AGR3: variants seen among roughly 807,000 people sequenced by gnomAD.
AGR3 encodes the protein anterior gradient protein 3.
AGR3 carries 37 observed loss-of-function variants against 24.5 expected under a neutral mutation model. That is an observed-to-expected ratio of 1.51 (90% confidence interval 1.16 to 1.99). The LOEUF (loss-of-function observed/expected upper bound fraction) is 1.99. Among genes scored for constraint, AGR3 ranks in the 30% most tolerant of loss-of-function variants. The pLI is 0.00. For missense variants in AGR3, 228 were observed against 191.1 expected, an observed-to-expected ratio of 1.19 and a Z score of -1.14; for synonymous variants, 75 against 61.6, an observed-to-expected ratio of 1.22 and a Z score of -1.02.
At chr7:16,856,785 A>G (rs1043866811), downstream of AGR3, among the ~76,000 whole-genome samples, 1 of 151,792 alleles carries the variant, frequency 6.6e-6, no homozygotes, top group African/African-American at 2.4e-5. Flanking sequence ...AAACAAATGG[A>G]AGTAAAATTA....
At chr7:16,868,465 C>T (rs1583840695) in intron 3 of AGR3, among the ~76,000 whole-genome samples, 1 of 152,080 alleles carries the variant, frequency 6.6e-6, no homozygotes, top group Non-Finnish European at 1.5e-5. Flanking sequence ...TGTATGTCTT[C>T]TTTTAAGAAA....
chr7:16,873,189 A>C (rs768648816), intron 3 of AGR3, among the ~76,000 whole-genome samples: 16 of 152,212 alleles, frequency 1.1e-4, no homozygotes, highest in Non-Finnish European at 2.4e-4. Flanking sequence ...TATAGAATCA[A>C]CCTAAATGTC....
chr7:16,870,289 A>T lies in AGR3; in HGVS notation c.173+3491T>A, dbSNP rs543234873. 2.3e-4 allele frequency among the ~76,000 whole-genome samples: 35 copies of T among 152,118 alleles called. No individual in the cohort carries two copies. The South Asian group carries it at 5.0e-3, about 22-fold the overall frequency. Reference sequence around the variant, plus strand: ...CATCTAATTCAACAGAATTTTTGTTATTCTGAATATTTAAATTTTTTTAGT... The same window carrying T: ...CATCTAATTCAACAGAATTTTTGTTTTTCTGAATATTTAAATTTTTTTAGT... On this transcript the variant is annotated intron_variant, in intron 3 of 7. Transcript: ENST00000310398.
At chr7:16,856,992 T>TA (rs960283383), downstream of AGR3, among the ~76,000 whole-genome samples, 3 of 148,440 alleles carry the variant, frequency 2.0e-5, no homozygotes, top group Non-Finnish European at 4.5e-5. Flanking sequence ...TTTTTTTTTT[T>TA]AAACACGTTG....
chr7:16,874,599 A>T (rs545136825), intron 2 of AGR3, among the ~76,000 whole-genome samples: 74 of 152,156 alleles, frequency 4.9e-4, no homozygotes, highest in Non-Finnish European at 9.1e-4. Context: ...AGAGAGATTG[A>T]ATTAATGTGA....
At chr7:16,865,961 C>A (rs73307293) in intron 3 of AGR3, 13,119 of 684,232 alleles carry the variant, frequency 0.019, 175 homozygotes, top group Middle Eastern at 0.048. Context: ...AGCTTTTTAC[C>A]AGGTTTCAAC....
intron 1 of AGR3, among the ~76,000 whole-genome samples, chr7:16,881,434 G>T (rs989512603): frequency 1.3e-5 from 2 of 152,160 alleles, no homozygotes; most frequent in Admixed American, 6.5e-5. Context: ...GGGTCCTTTA[G>T]TATCAGTTGC....
chr7:16,879,531 T>C (rs891611198), intron 1 of AGR3, among the ~76,000 whole-genome samples: 5 of 152,238 alleles, frequency 3.3e-5, no homozygotes, highest in Non-Finnish European at 5.9e-5. Context: ...GGTTGACTCA[T>C]GCAGTTTTGA....
chr7:16,876,799 A>T (rs1377927863), intron 2 of AGR3, among the ~76,000 whole-genome samples: 1 of 152,224 alleles, frequency 6.6e-6, no homozygotes, highest in African/African-American at 2.4e-5. Flanking sequence ...ATATTTTTTC[A>T]AAACATTCAA....
chr7:16,866,279 T>G, intron 3 of AGR3: 1 of 554,758 alleles, frequency 1.8e-6, no homozygotes, highest in South Asian at 1.4e-5. Flanking sequence ...TTGTGGAAGA[T>G]ATCTTTGGTC....
intron 3 of AGR3, 145 bp downstream of exon 3, chr7:16,873,635 G>C: frequency 1.6e-6 from 1 of 632,476 alleles, no homozygotes; most frequent in Non-Finnish European, 2.7e-6. Context: ...ATATGTTTCA[G>C]GTGATGCATA....
intron 7 of AGR3, 82 bp downstream of exon 7, chr7:16,860,418 C>A: frequency 9.6e-7 from 1 of 1,036,446 alleles, no homozygotes; most frequent in South Asian, 1.3e-5. Context: ...TGTAGAAGCA[C>A]TGATGTAGGG....
intron 2 of AGR3, among the ~76,000 whole-genome samples, chr7:16,874,104 T>C (rs112499775): frequency 2.6e-5 from 4 of 152,340 alleles, no homozygotes; most frequent in African/African-American, 9.6e-5. Context: ...TACATGTTGT[T>C]ATGATTAGAG....
intron 1 of AGR3, among the ~76,000 whole-genome samples, chr7:16,879,770 T>C (rs1782066429): frequency 6.6e-6 from 1 of 152,230 alleles, no homozygotes; most frequent in Non-Finnish European, 1.5e-5. Context: ...TGAAAAGATA[T>C]ATAAGACACA....
chr7:16,881,953 C>T lies in AGR3; in HGVS notation c.-37G>A, dbSNP rs986059563. The T allele has an allele frequency of 1.9e-5, 9 of 470,906 alleles. No individual in the cohort carries two copies. Among genetic ancestry groups the T allele is most frequent in the Non-Finnish European group, 3.5e-5 (8 of 226,988 alleles). 29.2% of individuals were successfully genotyped at this position (470,906 alleles called of 1,614,324 possible). ...AAATTTGCTTGCTTACCTGACTTGG[C>T]CAGTGCTCTTGTTGGAAATGTATTC... is the stretch of plus-strand genomic sequence containing the variant. On this transcript the variant is annotated 5_prime_UTR_variant, in exon 1 of 8. Transcript: ENST00000310398.
At chr7:16,862,269 T>C (rs1246158365) in intron 4 of AGR3, among the ~76,000 whole-genome samples, 4 of 152,320 alleles carry the variant, frequency 2.6e-5, no homozygotes, top group Admixed American at 6.5e-5. Context: ...ATAATCACAG[T>C]GAAGACACTA....
At chr7:16,867,157 T>C (rs1295415782) in intron 3 of AGR3, among the ~76,000 whole-genome samples, 2 of 152,200 alleles carry the variant, frequency 1.3e-5, no homozygotes, top group Admixed American at 6.5e-5. Context: ...AGCACCTTAA[T>C]GATTTAATTT....
intron 2 of AGR3, among the ~76,000 whole-genome samples, chr7:16,874,784 A>C (rs928598072): frequency 3.3e-5 from 5 of 152,122 alleles, no homozygotes; most frequent in African/African-American, 1.2e-4. Flanking sequence ...AGCTTTATTG[A>C]AATAAAATTC....
At chr7:16,864,515 C>A in intron 3 of AGR3, 1 of 1,276,432 alleles carries the variant, frequency 7.8e-7, no homozygotes, top group Non-Finnish European at 1.1e-6. Flanking sequence ...GTCAGGGCTT[C>A]CATTTTCAGT....
Sources: allele counts gnomAD v4.1 joint callset (sites outside exome capture counted in the v4.1 genomes callset), GRCh38; gene constraint gnomAD v4.1.1; transcripts MANE v1.5; gene names NCBI Gene and HGNC (gene_info 2026-07-23, HGNC 2026-07-21).